Variants in HADH observed in about 807,000 individuals in gnomAD.
HADH encodes the protein hydroxyacyl-CoA dehydrogenase, also known as hydroxyacyl-coenzyme A dehydrogenase, mitochondrial.
Under a neutral mutation model 32.2 loss-of-function variants are expected in HADH, and 24 were observed. The ratio of observed to expected loss-of-function variants is 0.75; its 90% CI spans 0.54 to 1.05. The LOEUF is 1.05. Ranked by LOEUF, HADH falls within the 50% of genes least tolerant of loss-of-function variation. The probability of loss-of-function intolerance (pLI) is 0.00; values close to 1 mark genes in which losing one functional copy is unlikely to be tolerated. For synonymous variants in HADH, 139 were observed against 152.5 expected (o/e 0.91, Z 0.65); for missense variants, 350 against 397.1 (o/e 0.88, Z 1.01).
At chr4:108,025,724 C>T (rs765414222) in intron 5 of HADH, 1 of 152,072 alleles carries the variant, frequency 6.6e-6, no homozygotes, top group African/African-American at 2.4e-5. Context: ...ACCCTCTCTA[C>T]AGAAAAATAG....
At chr4:108,023,856 C>G (rs1004055105) in intron 5 of HADH, 1 of 340,310 alleles carries the variant, frequency 2.9e-6, no homozygotes, top group Non-Finnish European at 5.6e-6. Context: ...GCTTTTGTCT[C>G]CTGATGAATG....
intron 1 of HADH, among the ~76,000 whole-genome samples, chr4:108,003,039 G>A (rs1011978636): frequency 6.7e-6 from 1 of 148,916 alleles, no homozygotes; most frequent in African/African-American, 2.4e-5. Context: ...AGGAAACCAA[G>A]ACATAGAGGC....
chr4:108,034,351 C>T lies in HADH; in HGVS notation c.939C>T (p.Tyr313=), dbSNP rs1310745078. ...GKKTGEGFYK[Y]K ...AGACTGGAGAAGGATTTTACAAATA[C>T]AAGTGATGTGCAGCTTCTCCGGCTC... The change falls in exon 8 of 8, where the codon TAC becomes TAT. Residue 313 remains tyrosine (Y), a synonymous_variant. Transcript: ENST00000309522. 6.4e-7 allele frequency: 1 copy of T among 1,570,696 alleles called. No homozygotes were observed. Among genetic ancestry groups the T allele is most frequent in the East Asian group, 2.2e-5 (1 of 44,686 alleles).
intron 1 of HADH, chr4:108,004,660 AT>A: frequency 6.6e-7 from 1 of 1,518,984 alleles, no homozygotes. Context: ...CATATCTGTC[AT>A]AGGAAAGAGG....
At chr4:108,030,651 G>C (rs1188573017) in intron 6 of HADH, 1 of 152,258 alleles carries the variant, frequency 6.6e-6, no homozygotes, top group Non-Finnish European at 1.5e-5. Flanking sequence ...GGAGTTAGGG[G>C]CTCTTAACTG....
chr4:107,995,949 C>G (rs1734942472), intron 1 of HADH, among the ~76,000 whole-genome samples: 1 of 152,162 alleles, frequency 6.6e-6, no homozygotes, highest in Admixed American at 6.5e-5. Context: ...ATCCTTCTGC[C>G]CATGGTAGAC....
At chr4:108,013,469 G>A (rs545040540) in intron 2 of HADH, among the ~76,000 whole-genome samples, 5 of 152,116 alleles carry the variant, frequency 3.3e-5, no homozygotes, top group Admixed American at 3.3e-4. Flanking sequence ...TGCTCAAGTT[G>A]CTCAGCTCTG....
At chr4:107,993,886 C>T (rs1734881634) in intron 1 of HADH, among the ~76,000 whole-genome samples, 1 of 148,972 alleles carries the variant, frequency 6.7e-6, no homozygotes, top group Non-Finnish European at 1.5e-5. Context: ...ATTAAATGAG[C>T]CTTGAGTGGG....
chr4:108,028,044 C>A (rs1187799362), intron 6 of HADH: 7 of 513,548 alleles, frequency 1.4e-5, no homozygotes, highest in East Asian at 1.3e-4. Context: ...AGATTGATAT[C>A]CTGGATCTCT....
chr4:107,997,985 G>A (rs1735006705), intron 1 of HADH, among the ~76,000 whole-genome samples: 1 of 152,164 alleles, frequency 6.6e-6, no homozygotes, highest in African/African-American at 2.4e-5. Flanking sequence ...ATCAGGAGAG[G>A]CCATCAGCTA....
Position 108,034,580 on chromosome 4 carries a change from G to T in HADH, c.*223G>T, listed in dbSNP as rs2126242677. On this transcript the variant is annotated 3_prime_UTR_variant, in exon 8 of 8. Transcript: ENST00000309522. ...CCTTTTTTAGTCTGTTCATTTCTGTGTATTTTCTAAACAGCTTTACACCCT... is the reference window on the plus strand; with the variant it reads ...CCTTTTTTAGTCTGTTCATTTCTGTTTATTTTCTAAACAGCTTTACACCCT... 1 of 493,762 alleles carries T rather than the reference G, an allele frequency of 2.0e-6. No individual in the cohort carries two copies. The highest frequency in any genetic ancestry group is 1.9e-5 in the South Asian group (1 of 52,528). 30.6% of individuals were successfully genotyped at this position (493,762 alleles called of 1,614,324 possible). A position where few individuals can be genotyped will look rare whatever the true frequency, so the allele number is the denominator to read the frequency against.
At chr4:108,032,342 G>A (rs1373421961) in intron 6 of HADH, 3 of 1,601,662 alleles carry the variant, frequency 1.9e-6, no homozygotes, top group African/African-American at 1.3e-5. Flanking sequence ...CAAACGTGTG[G>A]TGATTCTAAC....
At chr4:107,999,488 T>C (rs774546611) in intron 1 of HADH, among the ~76,000 whole-genome samples, 3 of 152,216 alleles carry the variant, frequency 2.0e-5, no homozygotes, top group Non-Finnish European at 2.9e-5. Context: ...TTTTTTTCCT[T>C]ACTATCCTTT....
At chr4:108,010,938 A>G in intron 2 of HADH, among the ~76,000 whole-genome samples, 1 of 141,206 alleles carries the variant, frequency 7.1e-6, no homozygotes, top group East Asian at 2.1e-4. Flanking sequence ...CGCAACCTCC[A>G]CCTCCTGGGT....
chr4:108,025,624 C>G (rs886903994), intron 5 of HADH: 3 of 152,208 alleles, frequency 2.0e-5, no homozygotes, highest in Admixed American at 6.5e-5. Context: ...CACGGTGCCT[C>G]ACGCCTATAA....
intron 6 of HADH, chr4:108,028,110 A>G (rs905144283): frequency 3.0e-6 from 1 of 337,730 alleles, no homozygotes; most frequent in Non-Finnish European, 5.6e-6. Context: ...AAAAATCACT[A>G]GGCTAGGAGA....
At chr4:108,022,648 A>T (rs1276241085) in intron 4 of HADH, among the ~76,000 whole-genome samples, 1 of 152,130 alleles carries the variant, frequency 6.6e-6, no homozygotes, top group Non-Finnish European at 1.5e-5. Context: ...TCTATAATAG[A>T]AGATCAGGTC....
intron 1 of HADH, chr4:108,004,840 G>A (rs1386399860): frequency 1.3e-6 from 2 of 1,535,824 alleles, no homozygotes; most frequent in Non-Finnish European, 1.7e-6. Flanking sequence ...GAAGGAACAT[G>A]ACCCTGCGGA....
At chr4:108,006,485 A>G (rs771847038) in intron 1 of HADH, among the ~76,000 whole-genome samples, 3 of 152,194 alleles carry the variant, frequency 2.0e-5, no homozygotes, top group African/African-American at 4.8e-5. Context: ...AAATATTCCC[A>G]GTTGTTTCTA....
Sources: gnomAD v4.1 joint callset for allele counts (sites outside exome capture counted in the v4.1 genomes callset) on GRCh38, gnomAD v4.1.1 for gene constraint, MANE v1.5 for transcripts, NCBI Gene and HGNC (gene_info 2026-07-23, HGNC 2026-07-21) for gene names.